The following SYT1 variants were observed in gnomAD, a reference collection of about 807,000 sequenced individuals.
SYT1 encodes synaptotagmin-1.
In SYT1, 8 loss-of-function variants were observed where a neutral mutation model predicts 44.8. The observed-to-expected ratio is 0.18, with a 90% CI of 0.10 to 0.32. The LOEUF (loss-of-function observed/expected upper bound fraction) is 0.32. SYT1 is among the 10% of genes least tolerant of loss of function. SYT1 has a pLI of 1.00. For synonymous variants in SYT1, 154 were observed against 188.8 expected, an observed-to-expected ratio of 0.82 and a Z score of 1.51; for missense variants, 286 against 509.3, an observed-to-expected ratio of 0.56 and a Z score of 4.22.
intron 3 of SYT1, among the ~76,000 whole-genome samples, chr12:79,114,781 C>T (rs537466439): frequency 8.7e-4 from 132 of 152,098 alleles, no homozygotes; most frequent in African/African-American, 3.2e-3. Context: ...GGAGAAGACC[C>T]CCCAGATTTT....
chr12:79,215,203 G>A (rs1874709312), intron 3 of SYT1, among the ~76,000 whole-genome samples: 1 of 152,086 alleles, frequency 6.6e-6, no homozygotes, highest in Non-Finnish European at 1.5e-5. Context: ...GGGAGGCCAA[G>A]TGCTATTAGA....
At chr12:79,150,195 C>G (rs1870182320) in intron 3 of SYT1, among the ~76,000 whole-genome samples, 1 of 152,122 alleles carries the variant, frequency 6.6e-6, no homozygotes, top group East Asian at 1.9e-4. Flanking sequence ...TTGAACCGTA[C>G]ATTATTACTA....
intron 1 of SYT1, among the ~76,000 whole-genome samples, chr12:78,947,222 A>G (rs1227691220): frequency 6.6e-6 from 1 of 152,116 alleles, no homozygotes; most frequent in Non-Finnish European, 1.5e-5. Context: ...TGTATTGCTT[A>G]TTTCTTGAGC....
chr12:79,255,420 G>GA (rs1301670578), intron 4 of SYT1, among the ~76,000 whole-genome samples: 1 of 152,174 alleles, frequency 6.6e-6, no homozygotes, highest in Non-Finnish European at 1.5e-5. Flanking sequence ...AGTGTAAACA[G>GA]AACTTTTATA....
At chr12:79,124,772 GT>G (rs2138149545) in intron 3 of SYT1, among the ~76,000 whole-genome samples, 1 of 152,090 alleles carries the variant, frequency 6.6e-6, no homozygotes, top group East Asian at 1.9e-4. Context: ...GTCATTTCAT[GT>G]TTGGTAACTA....
intron 4 of SYT1, among the ~76,000 whole-genome samples, chr12:79,221,713 T>C (rs1875175503): frequency 6.6e-6 from 1 of 152,164 alleles, no homozygotes; most frequent in African/African-American, 2.4e-5. Context: ...CATTTTGAAT[T>C]TTTTATGTCA....
At chr12:79,295,269 A>G (rs957039200) in intron 6 of SYT1, among the ~76,000 whole-genome samples, 3 of 152,170 alleles carry the variant, frequency 2.0e-5, no homozygotes, top group Non-Finnish European at 2.9e-5. Context: ...CTTCGCAAAA[A>G]TATTAACCAT....
At chr12:79,040,944 C>G (rs1455348271) in intron 2 of SYT1, among the ~76,000 whole-genome samples, 3 of 151,188 alleles carry the variant, frequency 2.0e-5, no homozygotes, top group Non-Finnish European at 4.4e-5. Flanking sequence ...AGATATGCGG[C>G]GTTATTTCTG....
At chr12:79,076,877 T>G (rs950388495) in intron 3 of SYT1, among the ~76,000 whole-genome samples, 3 of 152,140 alleles carry the variant, frequency 2.0e-5, no homozygotes, top group Non-Finnish European at 2.9e-5. Context: ...GCTGAGGCAG[T>G]GGGCTTGTCA....
intron 8 of SYT1, among the ~76,000 whole-genome samples, chr12:79,331,564 A>G (rs886681424): frequency 6.6e-6 from 1 of 152,112 alleles, no homozygotes; most frequent in African/African-American, 2.4e-5. Context: ...TTATTTTGCC[A>G]AGAATTAATA....
At chr12:79,322,903 G>A (rs769416620) in intron 8 of SYT1, among the ~76,000 whole-genome samples, 2 of 152,104 alleles carry the variant, frequency 1.3e-5, no homozygotes, top group African/African-American at 2.4e-5. Flanking sequence ...ATGTTGAAAC[G>A]ATATCTGAAA....
intron 9 of SYT1, among the ~76,000 whole-genome samples, chr12:79,359,715 G>A (rs1526958): frequency 0.011 from 1,652 of 152,144 alleles, 28 homozygotes; most frequent in African/African-American, 0.036. Context: ...CTGTTTTCTG[G>A]AAGATGCCAT....
chr12:79,367,629 A>G, intron 9 of SYT1, among the ~76,000 whole-genome samples: 1 of 152,018 alleles, frequency 6.6e-6, no homozygotes, highest in East Asian at 1.9e-4. Flanking sequence ...CTCTCGATGA[A>G]ATTTCATTTT....
At chr12:79,085,386 A>C (rs1292281044) in intron 3 of SYT1, among the ~76,000 whole-genome samples, 1 of 152,150 alleles carries the variant, frequency 6.6e-6, no homozygotes, top group Non-Finnish European at 1.5e-5. Context: ...AGCCTATACA[A>C]AAATGACTCT....
intron 1 of SYT1, among the ~76,000 whole-genome samples, chr12:78,894,669 A>G (rs1875256924): frequency 6.6e-6 from 1 of 151,682 alleles, no homozygotes; most frequent in Non-Finnish European, 1.5e-5. Context: ...AGCCAGGCAC[A>G]GAAAGCCAAA....
At chr12:79,086,682 C>T (rs1877403497) in intron 3 of SYT1, among the ~76,000 whole-genome samples, 1 of 152,106 alleles carries the variant, frequency 6.6e-6, no homozygotes, top group Admixed American at 6.6e-5. Context: ...CACAAGTTAG[C>T]CACTGAAGCA....
chr12:79,209,798 C>T (rs1225471783), intron 3 of SYT1, among the ~76,000 whole-genome samples: 3 of 152,170 alleles, frequency 2.0e-5, no homozygotes, highest in South Asian at 2.1e-4. Flanking sequence ...TCAAGGAAAA[C>T]TTGGATGGAA....
intron 1 of SYT1, among the ~76,000 whole-genome samples, chr12:78,949,373 C>A (rs1878841980): frequency 6.6e-6 from 1 of 151,574 alleles, no homozygotes; most frequent in Non-Finnish European, 1.5e-5. Flanking sequence ...TACCAACTAA[C>A]TTCTGTGCAG....
chr12:79,301,662 G>T (rs1327165814), intron 8 of SYT1, among the ~76,000 whole-genome samples: 1 of 151,998 alleles, frequency 6.6e-6, no homozygotes. Flanking sequence ...TCCCCATTTT[G>T]TGTGTTCATC....
Sources: allele counts gnomAD v4.1 joint callset (sites outside exome capture counted in the v4.1 genomes callset), GRCh38; gene constraint gnomAD v4.1.1; transcripts MANE v1.5; gene names NCBI Gene and HGNC (gene_info 2026-07-23, HGNC 2026-07-21).